Variants in CCDC80 observed in about 807,000 individuals in gnomAD.
CCDC80 encodes coiled-coil domain containing 80, also known as coiled-coil domain-containing protein 80.
In CCDC80, 49 loss-of-function variants were observed where a neutral mutation model predicts 78.7. That is an observed-to-expected ratio of 0.62 (90% CI 0.50 to 0.79). CCDC80 has a LOEUF of 0.79. Ranked by LOEUF, CCDC80 falls within the 30% of genes least tolerant of loss-of-function variation. The probability of loss-of-function intolerance (pLI) is 0.00; values close to 1 mark genes in which losing one functional copy is unlikely to be tolerated. For synonymous variants in CCDC80, 488 were observed against 447.0 expected, an observed-to-expected ratio of 1.09 and a Z score of -1.16; for missense variants, 1,205 against 1,198.6, an observed-to-expected ratio of 1.01 and a Z score of -0.08.
rs758154245 is a variant in CCDC80, at chr3:112,605,737, C to T, written c.2533G>A (p.Val845Ile). ...NGSSVVERED[V>I]PAHLVKDIRN... ...ATGTCTTTCACCAAATGGGCTGGTACGTCTTCTCGCTCAACAACAGAGCTC... is the reference window on the plus strand; with the variant it reads ...ATGTCTTTCACCAAATGGGCTGGTATGTCTTCTCGCTCAACAACAGAGCTC... Residue 845 changes from valine (V) to isoleucine (I), a missense_variant, in exon 8 of 8, where the codon GTA becomes ATA. By Grantham distance (29) the Val-to-Ile change is conservative. Transcript: ENST00000206423. 1.8e-5 allele frequency: 29 copies of T among 1,613,908 alleles called. No homozygotes were observed. Among genetic ancestry groups the T allele is most frequent in the Middle Eastern group, 3.3e-4 (2 of 6,062 alleles).
chr3:112,636,225 G>C (rs779584064), intron 2 of CCDC80, among the ~76,000 whole-genome samples: 4 of 152,090 alleles, frequency 2.6e-5, no homozygotes, highest in Non-Finnish European at 5.9e-5. Context: ...GCCCCCACAG[G>C]CTCCCTAACA....
Position 112,603,960 on chromosome 3 carries a change from C to T in CCDC80, c.*1457G>A, listed in dbSNP as rs760293292. ...GCCCAAGACTTCATTGGAGGAAGCTCTGCTATAGACATAGTGGAAATAGCA... is the reference window on the plus strand; with the variant it reads ...GCCCAAGACTTCATTGGAGGAAGCTTTGCTATAGACATAGTGGAAATAGCA... On this transcript the variant is annotated 3_prime_UTR_variant, in exon 8 of 8. Transcript: ENST00000206423. The T allele has an allele frequency of 9.9e-5, 15 of 152,170 alleles. No individual in the cohort carries two copies. The highest frequency in any genetic ancestry group is 1.8e-4 in the Non-Finnish European group (12 of 68,036). The allele number at this position is 152,170 out of a possible 1,614,324, so 9.4% of individuals were successfully genotyped here. A position where few individuals can be genotyped will look rare whatever the true frequency, so the allele number is the denominator to read the frequency against.
chr3:112,618,336 C>G (rs972217260), intron 4 of CCDC80, among the ~76,000 whole-genome samples: 27 of 152,076 alleles, frequency 1.8e-4, no homozygotes, highest in Non-Finnish European at 3.7e-4. Context: ...CTTGCTAACA[C>G]AGTGAAACCC....
chr3:112,620,723 T>C (rs1935847335), intron 3 of CCDC80, among the ~76,000 whole-genome samples: 2 of 152,272 alleles, frequency 1.3e-5, no homozygotes, highest in South Asian at 4.1e-4. Context: ...ATAGTAATAC[T>C]AATAATAAAG....
chr3:112,613,367 A>G (rs1935670866), intron 5 of CCDC80, among the ~76,000 whole-genome samples: 1 of 152,170 alleles, frequency 6.6e-6, no homozygotes, highest in Non-Finnish European at 1.5e-5. Flanking sequence ...TCCATAAAAG[A>G]TGTATATTCC....
chr3:112,607,306 TC>T, intron 6 of CCDC80, 50 bp from the exon 7 acceptor site: 1 of 1,392,402 alleles, frequency 7.2e-7, no homozygotes, highest in Non-Finnish European at 1.0e-6. Flanking sequence ...TTAGAAGTTA[TC>T]TTTTACTTCA....
chr3:112,640,036 AGGTT>A, intron 1 of CCDC80, 120 bp from the exon 2 acceptor site: 1 of 1,439,780 alleles, frequency 6.9e-7, no homozygotes. Context: ...GGAGGGGAAA[AGGTT>A]GGTTAGAGAG....
chr3:112,605,903 G>A, intron 7 of CCDC80, 140 bp from the exon 8 acceptor site: 2 of 710,850 alleles, frequency 2.8e-6, no homozygotes, highest in Non-Finnish European at 4.6e-6. Flanking sequence ...AATTAAAGAA[G>A]TTTGCTGGGG....
At chr3:112,620,617 A>G (rs910791217) in intron 3 of CCDC80, among the ~76,000 whole-genome samples, 2 of 152,216 alleles carry the variant, frequency 1.3e-5, no homozygotes, top group African/African-American at 2.4e-5. Context: ...CACATAGGAA[A>G]AAGTCCACAG....
At chr3:112,633,281 C>T (rs1936134850) in intron 2 of CCDC80, among the ~76,000 whole-genome samples, 1 of 152,102 alleles carries the variant, frequency 6.6e-6, no homozygotes, top group Non-Finnish European at 1.5e-5. Context: ...TCTGTCTTTG[C>T]CCAAGTCACT....
Position 112,616,684 on chromosome 3 carries a change from C to T in CCDC80, c.2321+26G>A, listed in dbSNP as rs1401349765. On this transcript the variant is annotated intron_variant, in intron 5 of 7. Transcript: ENST00000206423. ...ACTCAGAACAAATTTGCACCTTCCT[C>T]TTTAGCGACTCCAAAGGTGATGTAC... is the stretch of plus-strand genomic sequence containing the variant. The T allele has an allele frequency of 1.9e-6, 3 of 1,613,430 alleles. No homozygotes were observed. In the African/African-American group the frequency reaches 4.0e-5, roughly 22 times the overall value.
At position 112,639,669 on chromosome 3, in the gene CCDC80, ACTC is replaced by A. The variant is rs753516651; in HGVS notation, c.234_236del (p.Arg78del). 24 of 1,613,712 alleles carry A rather than the reference ACTC, an allele frequency of 1.5e-5. No individual in the cohort carries two copies. The highest frequency in any genetic ancestry group is 1.9e-5 in the Non-Finnish European group (22 of 1,179,966). ...GGCGAGCTAGTCTCAACACGGGCAC[ACTC>A]CTCCTTCTCTGGAGAGGCTGAAGGT... On this transcript the variant is annotated inframe_deletion, in exon 2 of 8. Coordinates refer to ENST00000206423, the MANE Select transcript of CCDC80 (RefSeq NM_199511.3).
At chr3:112,623,321 G>A (rs1158912736) in intron 3 of CCDC80, among the ~76,000 whole-genome samples, 1 of 152,212 alleles carries the variant, frequency 6.6e-6, no homozygotes, top group Admixed American at 6.5e-5. Flanking sequence ...AACACCAAAT[G>A]TGTGCTAGGC....
At chr3:112,619,357 AG>A (rs1246812010) in intron 3 of CCDC80, among the ~76,000 whole-genome samples, 1 of 152,360 alleles carries the variant, frequency 6.6e-6, no homozygotes, top group East Asian at 1.9e-4. Flanking sequence ...CACAGCAAAC[AG>A]GAACAAAGGA....
intron 5 of CCDC80, among the ~76,000 whole-genome samples, chr3:112,615,858 A>T (rs1055868057): frequency 2.0e-5 from 3 of 152,186 alleles, no homozygotes; most frequent in Non-Finnish European, 2.9e-5. Flanking sequence ...TCTAAAAAGG[A>T]GAGGCACAAA....
chr3:112,638,804 C>T lies in CCDC80; in HGVS notation c.1102G>A (p.Ala368Thr). 1 of 1,613,742 alleles carries T rather than the reference C, an allele frequency of 6.2e-7. No homozygotes were observed. The highest frequency in any genetic ancestry group is 1.1e-5 in the South Asian group (1 of 91,060). The change falls in exon 2 of 8, where the codon GCG (alanine) becomes ACG (threonine). Residue 368 changes from alanine to threonine, a missense_variant. Physicochemically the swap from Ala to Thr is moderately conservative, Grantham distance 58 (BLOSUM62 0). Coordinates refer to ENST00000206423, the MANE Select transcript of CCDC80 (RefSeq NM_199511.3). ...ATAGGTCTTGCAGCAACTGTTACCG[C>T]CCGGGACGTGGACCGAGTCACTGTT... ...ATTVTRSTSR[A>T]VTVAARPMTT...
Position 112,639,689 on chromosome 3 carries a change from G to C in CCDC80, c.217C>G (p.Pro73Ala). The C allele has an allele frequency of 3.7e-6, 6 of 1,614,138 alleles. No homozygotes were observed. The highest frequency in any genetic ancestry group is 4.2e-6 in the Non-Finnish European group (5 of 1,180,002). ...GGCACACTCCTCCTTCTCTGGAGAG[G>C]CTGAAGGTTTGGTTCCTCCAGAGTG... ...RSTLEEPNLQ[P>A]LQRRRSVPVL... The change falls in exon 2 of 8, where the codon CCT becomes GCT. Residue 73 changes from proline (P) to alanine (A), a missense_variant. Physicochemically the swap from Pro to Ala is conservative, Grantham distance 27 (BLOSUM62 -1). Coordinates refer to ENST00000206423, the MANE Select transcript of CCDC80 (RefSeq NM_199511.3).
In CCDC80 at chr3:112,619,196, C is replaced by T; in HGVS notation, c.2036-92G>A. On this transcript the variant is annotated intron_variant, in intron 3 of 7. Coordinates refer to ENST00000206423, the MANE Select transcript of CCDC80 (RefSeq NM_199511.3). The stretch of plus-strand genomic sequence containing the variant: ...GTGAAGGCTTTGGGCCTAATCACAC[C>T]AGCCTTCATTAGTTTTATATATTCA... 4 of 1,186,434 alleles carry T rather than the reference C, an allele frequency of 3.4e-6. No individual in the cohort carries two copies. The South Asian group carries it at 5.6e-5, about 17-fold the overall frequency. 73.5% of individuals were successfully genotyped at this position (1,186,434 alleles called of 1,614,324 possible).
intron 7 of CCDC80, among the ~76,000 whole-genome samples, chr3:112,606,398 T>G (rs570177939): frequency 2.7e-5 from 4 of 147,924 alleles, no homozygotes; most frequent in South Asian, 2.1e-4. Flanking sequence ...CAAGAGTCTT[T>G]TTTTGTTTTG....
Sources: gnomAD v4.1 joint callset for allele counts (sites outside exome capture counted in the v4.1 genomes callset) on GRCh38, gnomAD v4.1.1 for gene constraint, MANE v1.5 for transcripts, NCBI Gene and HGNC (gene_info 2026-07-23, HGNC 2026-07-21) for gene names.